Variants in RIPOR2 observed in about 807,000 individuals in gnomAD.
RIPOR2 encodes rho family-interacting cell polarization regulator 2.
In RIPOR2, 39 loss-of-function variants were observed where a neutral mutation model predicts 114.5. The observed-to-expected ratio is 0.34, with a 90% confidence interval of 0.26 to 0.44. RIPOR2 has a LOEUF of 0.44. Ranked by LOEUF, RIPOR2 falls within the 20% of genes least tolerant of loss-of-function variation. RIPOR2 has a pLI of 1.00. For synonymous variants in RIPOR2, 445 were observed against 484.4 expected (o/e 0.92, Z 1.07); for missense variants, 1,007 against 1,255.1 (o/e 0.80, Z 2.99).
chr6:24,902,266 G>A (rs1768538806), intron 1 of RIPOR2, among the ~76,000 whole-genome samples: 1 of 151,010 alleles, frequency 6.6e-6, no homozygotes, highest in Non-Finnish European at 1.5e-5. Flanking sequence ...CCAGGCTGGA[G>A]TACAGTGGCG....
intron 1 of RIPOR2, chr6:24,911,035 G>A (rs1769520036): frequency 1.0e-6 from 1 of 956,796 alleles, no homozygotes; most frequent in Non-Finnish European, 1.2e-6. Flanking sequence ...CGCAGCAGCT[G>A]CGGCGCGCGG....
At chr6:24,839,456 G>A in intron 13 of RIPOR2, 184 bp from the exon 14 acceptor site, 1 of 1,436,286 alleles carries the variant, frequency 7.0e-7, no homozygotes, top group African/African-American at 1.4e-5. Flanking sequence ...TGGATAAAAT[G>A]GCACAATATC....
chr6:24,840,547 T>C, intron 13 of RIPOR2: 2 of 1,443,026 alleles, frequency 1.4e-6, no homozygotes, highest in Non-Finnish European at 1.8e-6. Flanking sequence ...ATTCTGCAAG[T>C]TAGAAGCACT....
At chr6:25,019,774 C>CAAAAAAAAAAAAAAAAAAAA (rs34107737) in intron 1 of RIPOR2, among the ~76,000 whole-genome samples, 10 of 53,122 alleles carry the variant, frequency 1.9e-4, no homozygotes, top group East Asian at 8.3e-4. Flanking sequence ...GACTCTGTCT[C>CAAAAAAAAAAAAAAAAAAAA]AAAAAAAAAA....
chr6:24,968,859 G>A (rs569270206), intron 1 of RIPOR2, among the ~76,000 whole-genome samples: 3 of 152,272 alleles, frequency 2.0e-5, no homozygotes, highest in African/African-American at 7.2e-5. Flanking sequence ...AGCCCAAACT[G>A]TCAATAGAAA....
intron 13 of RIPOR2, 75 bp from the exon 14 acceptor site, chr6:24,839,347 G>T: frequency 6.8e-7 from 1 of 1,464,726 alleles, no homozygotes; most frequent in African/African-American, 1.4e-5. Context: ...TGCTCAATTG[G>T]AGATGCCACA....
chr6:24,894,149 A>G (rs569835717), intron 1 of RIPOR2, among the ~76,000 whole-genome samples: 1 of 152,296 alleles, frequency 6.6e-6, no homozygotes, highest in Non-Finnish European at 1.5e-5. Context: ...TTGTATCTCA[A>G]ATATTACTTG....
rs2747682 is a variant in RIPOR2 at position 24,883,921 on chromosome 6, C to G, written c.62-8104G>C. Among the ~76,000 whole-genome samples the G allele has an allele frequency of 0.39, 59,874 of 152,072 alleles. 15,253 individuals are homozygous for G. Among genetic ancestry groups the G allele is most frequent in the African/African-American group, 0.73 (30,096 of 41,486 alleles). On this transcript the variant is annotated intron_variant, in intron 1 of 21. Transcript: ENST00000643898. The surrounding 1 kb of genome is among the most constrained non-coding windows in gnomAD (Gnocchi z 4.1). ...TGGTCAAAAGCAGATGTATAATTGA[C>G]TTGTCTGAAAGAGGCATGTGGGCCA...
At chr6:25,009,381 G>C (rs918943190) in intron 1 of RIPOR2, among the ~76,000 whole-genome samples, 1 of 152,052 alleles carries the variant, frequency 6.6e-6, no homozygotes, top group Non-Finnish European at 1.5e-5. Flanking sequence ...TTGTTAATTT[G>C]GTCGATTAAA....
At chr6:24,834,293 T>C (rs79826591) in intron 15 of RIPOR2, among the ~76,000 whole-genome samples, 4,005 of 152,192 alleles carry the variant, frequency 0.026, 162 homozygotes, top group African/African-American at 0.084. Context: ...TGGAGAAGCA[T>C]ATTCTCCTAC....
chr6:25,024,553 G>A (rs373281228), intron 1 of RIPOR2: 6 of 574,246 alleles, frequency 1.0e-5, no homozygotes, highest in South Asian at 6.9e-5. Context: ...TGAACCACTC[G>A]GGCTCAGGCA....
At chr6:25,034,724 G>A (rs757955067) in intron 1 of RIPOR2, among the ~76,000 whole-genome samples, 1 of 152,086 alleles carries the variant, frequency 6.6e-6, no homozygotes, top group Non-Finnish European at 1.5e-5. Context: ...ATTTGTATTT[G>A]CTGCTTCTTC....
chr6:25,019,774 C>CAAAA (rs34107737), intron 1 of RIPOR2, among the ~76,000 whole-genome samples: 625 of 52,926 alleles, frequency 0.012, 1 homozygote, highest in Middle Eastern at 0.032. Flanking sequence ...GACTCTGTCT[C>CAAAA]AAAAAAAAAA....
intron 1 of RIPOR2, among the ~76,000 whole-genome samples, chr6:24,876,282 C>A (rs537520096): frequency 6.6e-6 from 1 of 151,858 alleles, no homozygotes; most frequent in African/African-American, 2.4e-5. Context: ...AAGAGCAAAA[C>A]TCTGTCTAAA....
At chr6:24,876,368 G>T (rs912084526) in intron 1 of RIPOR2, among the ~76,000 whole-genome samples, 5 of 151,818 alleles carry the variant, frequency 3.3e-5, no homozygotes, top group Non-Finnish European at 7.4e-5. Flanking sequence ...TTTCCTTCAA[G>T]AATTTTTTTT....
chr6:24,810,030 T>C (rs1781039567), intron 20 of RIPOR2, among the ~76,000 whole-genome samples: 1 of 152,266 alleles, frequency 6.6e-6, no homozygotes, highest in Middle Eastern at 3.4e-3. Context: ...TTTTAACCTT[T>C]GGTACAGATG....
chr6:24,825,925 C>CTTTTTTTTTTTTTTTTTTTTTTTTTTTTT (rs11454820), intron 18 of RIPOR2, among the ~76,000 whole-genome samples: 1 of 126,300 alleles, frequency 7.9e-6, no homozygotes. Context: ...ATGTTTTTCT[C>CTTTTTTTTTTTTTTTTTTTTTTTTTTTTT]TTTTTTTTTT....
At chr6:24,981,161 A>G (rs1166736100) in intron 1 of RIPOR2, among the ~76,000 whole-genome samples, 1 of 152,220 alleles carries the variant, frequency 6.6e-6, no homozygotes, top group Non-Finnish European at 1.5e-5. Flanking sequence ...AAGGCTTTCA[A>G]GGGCTGCTTT....
At chr6:24,847,080 T>C (rs1486597153) in intron 12 of RIPOR2, among the ~76,000 whole-genome samples, 1 of 152,134 alleles carries the variant, frequency 6.6e-6, no homozygotes, top group Non-Finnish European at 1.5e-5. Flanking sequence ...GCCTCCCAAG[T>C]AGCTGGGACT....
Sources: allele counts gnomAD v4.1 joint callset (sites outside exome capture counted in the v4.1 genomes callset), GRCh38; gene constraint gnomAD v4.1.1; non-coding constraint Gnocchi (gnomAD v3.1); transcripts MANE v1.5; gene names NCBI Gene and HGNC (gene_info 2026-07-23, HGNC 2026-07-21).